The following TNS3 variants were observed in gnomAD, a reference collection of about 807,000 sequenced individuals.
TNS3 encodes tensin-3.
TNS3 carries 45 observed loss-of-function variants against 140.9 expected under a neutral mutation model. That is an observed-to-expected ratio of 0.32 (90% CI 0.25 to 0.41). The LOEUF (loss-of-function observed/expected upper bound fraction) is 0.41, where lower values mean the gene tolerates loss of function less well. Ranked by LOEUF, TNS3 falls within the 10% of genes least tolerant of loss-of-function variation. The pLI, the probability that TNS3 is intolerant of heterozygous loss-of-function variation, is 1.00. For missense variants in TNS3, 1,716 were observed against 1,906.7 expected (o/e 0.90, Z 1.86); for synonymous variants, 815 against 788.4 (o/e 1.03, Z -0.56).
chr7:47,358,594 C>T (rs761269559), intron 17 of TNS3, among the ~76,000 whole-genome samples: 7 of 152,218 alleles, frequency 4.6e-5, no homozygotes, highest in Admixed American at 3.3e-4. Flanking sequence ...CAGCCGGTGA[C>T]TTCTGGCAGA....
At chr7:47,429,029 T>TGCC (rs1383815720) in intron 8 of TNS3, among the ~76,000 whole-genome samples, 1 of 152,066 alleles carries the variant, frequency 6.6e-6, no homozygotes, top group African/African-American at 2.4e-5. Context: ...GGCCACAGAG[T>TGCC]GCCACCTTCT....
chr7:47,549,585 C>T (rs1448146511), intron 1 of TNS3, among the ~76,000 whole-genome samples: 1 of 152,188 alleles, frequency 6.6e-6, no homozygotes, highest in Non-Finnish European at 1.5e-5. Context: ...CAGCCAGGTG[C>T]TGCCTCAGGA....
intron 20 of TNS3, among the ~76,000 whole-genome samples, chr7:47,316,155 C>T (rs1313988294): frequency 6.9e-6 from 1 of 144,170 alleles, no homozygotes; most frequent in South Asian, 2.3e-4. Context: ...TCCATTCTTT[C>T]CTCCCTCCTA....
At chr7:47,322,926 T>C (rs1787830322) in intron 20 of TNS3, among the ~76,000 whole-genome samples, 1 of 152,052 alleles carries the variant, frequency 6.6e-6, no homozygotes, top group Non-Finnish European at 1.5e-5. Flanking sequence ...GTGTCAGAGG[T>C]GAGGCTGTGT....
intron 13 of TNS3, chr7:47,403,173 C>G (rs1186798730): frequency 1.3e-5 from 2 of 152,776 alleles, no homozygotes; most frequent in Admixed American, 1.3e-4. Context: ...CTTCAGGAAT[C>G]CAGGATGCTC....
At chr7:47,326,306 G>A (rs897916592) in intron 20 of TNS3, among the ~76,000 whole-genome samples, 1 of 152,108 alleles carries the variant, frequency 6.6e-6, no homozygotes, top group Non-Finnish European at 1.5e-5. Flanking sequence ...GAAAAGTGAG[G>A]TTAAGAAGCT....
chr7:47,292,097 A>G (rs1785740385), intron 26 of TNS3, 65 bp from the exon 27 acceptor site: 3 of 1,513,622 alleles, frequency 2.0e-6, no homozygotes, highest in Non-Finnish European at 2.7e-6. Context: ...CTCATGACAA[A>G]GTTAGACAAT....
chr7:47,403,710 C>T (rs1049366432), intron 13 of TNS3, among the ~76,000 whole-genome samples: 1 of 152,138 alleles, frequency 6.6e-6, no homozygotes, highest in Non-Finnish European at 1.5e-5. Flanking sequence ...TTCCCTAACT[C>T]GGGGCTCCCA....
intron 21 of TNS3, among the ~76,000 whole-genome samples, 153 bp downstream of exon 21, chr7:47,304,679 C>T (rs1243596142): frequency 9.2e-5 from 14 of 152,342 alleles, no homozygotes; most frequent in Admixed American, 7.8e-4. Flanking sequence ...GCACACAGCC[C>T]TGGTCCCCTG....
intron 16 of TNS3, among the ~76,000 whole-genome samples, chr7:47,383,161 C>T (rs1791872600): frequency 6.6e-6 from 1 of 152,154 alleles, no homozygotes; most frequent in Non-Finnish European, 1.5e-5. Flanking sequence ...TGTTACGAGC[C>T]CAAATGCACA....
chr7:47,569,378 A>T (rs1300541704), intron 1 of TNS3, among the ~76,000 whole-genome samples: 1 of 151,666 alleles, frequency 6.6e-6, no homozygotes, highest in African/African-American at 2.4e-5. Flanking sequence ...CCCCGTCTCT[A>T]CTAAAAATTT....
intron 3 of TNS3, among the ~76,000 whole-genome samples, chr7:47,486,577 G>T (rs1368015989): frequency 1.3e-5 from 2 of 152,188 alleles, no homozygotes; most frequent in African/African-American, 4.8e-5. Context: ...ACAGACACAG[G>T]GCCTCGGGTG....
At chr7:47,571,001 C>T (rs1800541510) in intron 1 of TNS3, among the ~76,000 whole-genome samples, 1 of 152,152 alleles carries the variant, frequency 6.6e-6, no homozygotes, top group Admixed American at 6.5e-5. Flanking sequence ...AGCGTCCCAC[C>T]TGGACCACTC....
intron 2 of TNS3, among the ~76,000 whole-genome samples, chr7:47,524,978 A>T (rs1171022056): frequency 1.3e-5 from 2 of 152,154 alleles, no homozygotes. Flanking sequence ...ATTTTCTTCA[A>T]GGGATGAAAA....
In TNS3 at chr7:47,329,427, G is replaced by A. The variant is rs112739492; in HGVS notation, c.2650+15328C>T. ...CCCAGCCTGAGCCGAGCCATTGGCC[G>A]GTCCAGCCCCTGCACGACCCTGGCA... On this transcript the variant is annotated intron_variant, in intron 20 of 30. Transcript: ENST00000311160. Among the ~76,000 whole-genome samples, 35 of 152,236 alleles carry A rather than the reference G, an allele frequency of 2.3e-4. No individual in the cohort carries two copies. In the South Asian group the frequency reaches 5.4e-3, roughly 24 times the overall value.
At position 47,368,410 on chromosome 7, in the gene TNS3, G is replaced by T. The variant is rs758786016; in HGVS notation, c.2236C>A (p.Leu746Met). Residue 746 changes from leucine to methionine, a missense_variant, in exon 17 of 31, where the codon CTG becomes ATG. This residue lies in a region of TNS3 where 1,163 missense variants were observed against 1,182.1 expected (regional missense o/e 0.98). Coordinates refer to ENST00000311160, the MANE Select transcript of TNS3 (RefSeq NM_022748.12). ...CTGGGGCCCTCTCCTGTGTCAGGCA[G>T]CCTGCTGCTTGCCCGGAGCCCACCT... ...VGGGLRASSR[L>M]PDTGEGPSRA... The T allele has an allele frequency of 1.1e-5, 17 of 1,519,878 alleles. No homozygotes were observed. In the Middle Eastern group the frequency reaches 5.4e-4, roughly 48 times the overall value. 94.1% of individuals were successfully genotyped at this position (1,519,878 alleles called of 1,614,324 possible). A position where few individuals can be genotyped will look rare whatever the true frequency, so the allele number is the denominator to read the frequency against.
rs187981086 is a variant in TNS3 at position 47,542,787 on chromosome 7, A to G, written c.-264-13640T>C. ...CTACTAAAGATACAAAAAATTAGCCAGGTGTGGTGGTGGGCGCCTGTAATC... is the reference window on the plus strand; with the variant it reads ...CTACTAAAGATACAAAAAATTAGCCGGGTGTGGTGGTGGGCGCCTGTAATC... On this transcript the variant is annotated intron_variant, in intron 1 of 30. Coordinates refer to ENST00000311160, the MANE Select transcript of TNS3 (RefSeq NM_022748.12). 1.6e-3 allele frequency among the ~76,000 whole-genome samples: 239 copies of G among 152,074 alleles called. No individual in the cohort carries two copies. In the Middle Eastern group the frequency reaches 0.024, roughly 15 times the overall value.
In TNS3 at chr7:47,369,199, G is replaced by A; in HGVS notation, c.1447C>T (p.Pro483Ser). The A allele has an allele frequency of 6.2e-7, 1 of 1,613,966 alleles. No homozygotes were observed. The highest frequency in any genetic ancestry group is 2.2e-5 in the East Asian group (1 of 44,872). Residue 483 changes from proline (P) to serine (S), a missense_variant, in exon 17 of 31, where the codon CCC becomes TCC. Physicochemically the swap from Pro to Ser is moderately conservative, Grantham distance 74. Transcript: ENST00000311160. ...TCCACACTGTGCAGGTCGTGGTGGG[G>A]CATCTCGTCATCCAGAATGTCTGTC... ...RETDILDDEM[P>S]HHDLHSVDSL...
chr7:47,411,170 A>G (rs142120636), intron 13 of TNS3, among the ~76,000 whole-genome samples: 504 of 152,364 alleles, frequency 3.3e-3, no homozygotes, highest in African/African-American at 0.011. Context: ...ATTAATTTCC[A>G]GGTTGTATAT....
Sources: gnomAD v4.1 joint callset for allele counts (sites outside exome capture counted in the v4.1 genomes callset) on GRCh38, gnomAD v4.1.1 for gene constraint, gnomAD v4.1.1 regional missense constraint, MANE v1.5 for transcripts, NCBI Gene and HGNC (gene_info 2026-07-23, HGNC 2026-07-21) for gene names.